NAPEPLD: variants seen among roughly 807,000 people sequenced by gnomAD.
NAPEPLD encodes the protein N-acyl-phosphatidylethanolamine-hydrolyzing phospholipase D.
Under a neutral mutation model 38.1 loss-of-function variants are expected in NAPEPLD, and 23 were observed. The observed-to-expected ratio is 0.60, with a 90% confidence interval of 0.43 to 0.86. The LOEUF (loss-of-function observed/expected upper bound fraction) is 0.86. Ranked by LOEUF, NAPEPLD falls within the 40% of genes least tolerant of loss-of-function variation. The probability of loss-of-function intolerance (pLI) is 0.00; values close to 1 mark genes in which losing one functional copy is unlikely to be tolerated. For synonymous variants in NAPEPLD, 147 were observed against 162.0 expected, an observed-to-expected ratio of 0.91 and a Z score of 0.71; for missense variants, 411 against 476.8, an observed-to-expected ratio of 0.86 and a Z score of 1.28.
chr7:103,107,731 C>G (rs915260911), intron 4 of NAPEPLD, among the ~76,000 whole-genome samples: 1 of 140,472 alleles, frequency 7.1e-6, no homozygotes, highest in East Asian at 2.2e-4. Context: ...AACAAAGACT[C>G]CAAGAAATAT....
At chr7:103,125,811 C>A (rs920111225) in intron 2 of NAPEPLD, among the ~76,000 whole-genome samples, 3 of 151,692 alleles carry the variant, frequency 2.0e-5, no homozygotes, top group Admixed American at 6.6e-5. Context: ...CACTTGAACC[C>A]GGGAGGCAGA....
rs183305432 is a variant in NAPEPLD, at chr7:103,143,540, C to T, written c.-17+5271G>A. ...AATGTGATACGAGCCTTTTATGGTG[C>T]TTCCAGAAGTCTCCTTAAGGGAAAG... On this transcript the variant is annotated intron_variant, in intron 1 of 4. Transcript: ENST00000465647. Among the ~76,000 whole-genome samples the T allele has an allele frequency of 5.9e-5, 9 of 152,216 alleles. No homozygotes were observed. In the East Asian group the frequency reaches 1.7e-3, roughly 29 times the overall value.
upstream of NAPEPLD, among the ~76,000 whole-genome samples, chr7:103,149,858 A>C (rs1441845681): frequency 6.6e-6 from 1 of 152,238 alleles, no homozygotes; most frequent in Non-Finnish European, 1.5e-5. Flanking sequence ...GTCGAGAAGC[A>C]TTTGAATACT....
intron 1 of NAPEPLD, among the ~76,000 whole-genome samples, chr7:103,147,701 T>C (rs1034910993): frequency 1.3e-5 from 2 of 152,222 alleles, no homozygotes; most frequent in African/African-American, 2.4e-5. Context: ...TAGTTATAAC[T>C]GGACTAATTT....
intron 3 of NAPEPLD, among the ~76,000 whole-genome samples, chr7:103,116,930 T>C (rs1224394492): frequency 6.6e-6 from 1 of 152,240 alleles, no homozygotes; most frequent in African/African-American, 2.4e-5. Context: ...GAACATCATC[T>C]ACTTTCATAG....
chr7:103,120,264 A>G, intron 2 of NAPEPLD, 41 bp from the exon 3 acceptor site: 5 of 1,567,310 alleles, frequency 3.2e-6, no homozygotes, highest in Non-Finnish European at 4.3e-6. Flanking sequence ...GTAGTTAGAA[A>G]AAAAAGTATT....
intron 4 of NAPEPLD, among the ~76,000 whole-genome samples, chr7:103,113,569 ACACTTTTTTTTTTTTTAAAGACAGAGTCT>A (rs1804948718): frequency 2.5e-5 from 1 of 40,720 alleles, no homozygotes; most frequent in Non-Finnish European, 1.2e-4. Context: ...AGTCCTAACC[ACACTTTTTTTTTTTTTAAAGACAGAGTCT>A]CACTTTTTTT....
chr7:103,128,771 A>G lies in NAPEPLD; in HGVS notation c.6T>C (p.Asp2=). 6.2e-7 allele frequency: 1 copy of G among 1,609,986 alleles called. No homozygotes were observed. Among genetic ancestry groups the G allele is most frequent in the South Asian group, 1.1e-5 (1 of 89,958 alleles). The change falls in exon 2 of 5, where the codon GAT becomes GAC. Residue 2 remains aspartate, a synonymous_variant. Transcript: ENST00000465647. ...TCAGAGACTGGTTGCTTTCATTTTC[A>G]TCCATGTCCTTTGGTGAAGAACTAA... M[D]ENESNQSLMT...
At chr7:103,113,955 G>A (rs768173576) in intron 4 of NAPEPLD, among the ~76,000 whole-genome samples, 94 of 150,660 alleles carry the variant, frequency 6.2e-4, no homozygotes, top group South Asian at 2.1e-3. Flanking sequence ...CTGGAGTATA[G>A]TGGCACAATC....
intron 1 of NAPEPLD, among the ~76,000 whole-genome samples, chr7:103,139,379 T>C (rs1385370570): frequency 6.6e-6 from 1 of 152,330 alleles, no homozygotes; most frequent in East Asian, 1.9e-4. Context: ...AGTATCACAT[T>C]TACAGAAGTG....
chr7:103,141,609 C>G (rs894520132), intron 1 of NAPEPLD: 1 of 924,588 alleles, frequency 1.1e-6, no homozygotes, highest in Non-Finnish European at 1.8e-6. Flanking sequence ...TTCTTAGATT[C>G]ACGGTATCTT....
At chr7:103,123,758 T>TA (rs1404447720) in intron 2 of NAPEPLD, among the ~76,000 whole-genome samples, 2 of 152,172 alleles carry the variant, frequency 1.3e-5, no homozygotes. Context: ...AGACCCACTG[T>TA]AGTAAACCAT....
chr7:103,103,423 CATTT>C lies in NAPEPLD; in HGVS notation c.*2_*5del. On this transcript the variant is annotated 3_prime_UTR_variant, in exon 5 of 5. Coordinates refer to ENST00000465647, the MANE Select transcript of NAPEPLD (RefSeq NM_001122838.3). ...TTTTCATTAAAAGTGCCTGTGCTCA[CATTT>C]ATTAAAAGTTTTCATCATCATTATT... 1 of 1,549,600 alleles carries C rather than the reference CATTT, an allele frequency of 6.5e-7. No individual in the cohort carries two copies. Among genetic ancestry groups the C allele is most frequent in the Non-Finnish European group, 8.6e-7 (1 of 1,157,966 alleles).
At chr7:103,116,086 G>C (rs948283992) in intron 3 of NAPEPLD, among the ~76,000 whole-genome samples, 1 of 151,406 alleles carries the variant, frequency 6.6e-6, no homozygotes, top group African/African-American at 2.5e-5. Flanking sequence ...TTCTGAGATT[G>C]AGTCTCACTC....
chr7:103,111,460 T>A (rs1804509508), intron 4 of NAPEPLD, among the ~76,000 whole-genome samples: 1 of 152,064 alleles, frequency 6.6e-6, no homozygotes, highest in Non-Finnish European at 1.5e-5. Context: ...ACACCACACA[T>A]CTACAACCAT....
chr7:103,149,204 T>C, upstream of NAPEPLD: 3 of 996,446 alleles, frequency 3.0e-6, no homozygotes, highest in Non-Finnish European at 3.6e-6. Context: ...ACCACGGAGC[T>C]CCGGACACTC....
intron 4 of NAPEPLD, among the ~76,000 whole-genome samples, chr7:103,114,641 T>A (rs1434301869): frequency 6.6e-6 from 1 of 152,156 alleles, no homozygotes; most frequent in African/African-American, 2.4e-5. Context: ...ACATCCTGAT[T>A]CTGAGACCAT....
chr7:103,149,894 G>T (rs1466614573), upstream of NAPEPLD, among the ~76,000 whole-genome samples: 1 of 152,214 alleles, frequency 6.6e-6, no homozygotes, highest in East Asian at 1.9e-4. Context: ...TAGGATCCTG[G>T]TAGCGAAGAA....
At chr7:103,135,559 T>G (rs1809852850) in intron 1 of NAPEPLD, among the ~76,000 whole-genome samples, 1 of 152,156 alleles carries the variant, frequency 6.6e-6, no homozygotes, top group South Asian at 2.1e-4. Context: ...TCACTGAACT[T>G]CATTCTTACC....
Sources: allele counts gnomAD v4.1 joint callset (sites outside exome capture counted in the v4.1 genomes callset), GRCh38; gene constraint gnomAD v4.1.1; transcripts MANE v1.5; gene names NCBI Gene and HGNC (gene_info 2026-07-23, HGNC 2026-07-21).